The following SLC35F3 variants were observed in gnomAD, a reference collection of about 807,000 sequenced individuals.
SLC35F3 encodes solute carrier family 35 member F3, also known as putative thiamine transporter SLC35F3.
A neutral mutation model predicts 49.9 loss-of-function variants in SLC35F3; 25 were observed. The observed-to-expected ratio is 0.50, with a 90% CI of 0.37 to 0.70. The LOEUF (loss-of-function observed/expected upper bound fraction) is 0.70, where lower values mean the gene tolerates loss of function less well. SLC35F3 is among the 30% of genes least tolerant of loss of function. The probability of loss-of-function intolerance (pLI) is 0.00; values close to 1 mark genes in which losing one functional copy is unlikely to be tolerated. For missense variants in SLC35F3, 525 were observed against 639.8 expected, an observed-to-expected ratio of 0.82 and a Z score of 1.94; for synonymous variants, 275 against 265.4, an observed-to-expected ratio of 1.04 and a Z score of -0.35.
chr1:234,221,839 AAG>A (rs1346306498), intron 2 of SLC35F3, among the ~76,000 whole-genome samples: 13 of 152,204 alleles, frequency 8.5e-5, no homozygotes, highest in Admixed American at 8.5e-4. Context: ...GCTGCAAAGA[AAG>A]AGGATTATAA....
At chr1:234,121,211 A>G (rs1665567351) in intron 2 of SLC35F3, among the ~76,000 whole-genome samples, 2 of 136,966 alleles carry the variant, frequency 1.5e-5, no homozygotes, top group South Asian at 4.4e-4. Flanking sequence ...ATCTTGGCTC[A>G]CTGCAAGCTC....
chr1:233,910,374 G>A (rs1661855233), intron 2 of SLC35F3, among the ~76,000 whole-genome samples: 1 of 152,192 alleles, frequency 6.6e-6, no homozygotes, highest in African/African-American at 2.4e-5. Context: ...AATGATTGAA[G>A]GAACATATCT....
intron 2 of SLC35F3, among the ~76,000 whole-genome samples, chr1:233,940,263 A>T (rs985050081): frequency 2.6e-5 from 4 of 152,160 alleles, no homozygotes; most frequent in Non-Finnish European, 4.4e-5. Context: ...TCACAGAGGA[A>T]AAAAAGCAGC....
intron 2 of SLC35F3, among the ~76,000 whole-genome samples, chr1:234,209,707 C>T (rs975039591): frequency 3.3e-5 from 5 of 151,770 alleles, no homozygotes; most frequent in African/African-American, 1.2e-4. Flanking sequence ...ATAGAAACAG[C>T]ATGGAGTGCT....
At chr1:233,922,741 G>T (rs1386500927) in intron 2 of SLC35F3, among the ~76,000 whole-genome samples, 3 of 152,120 alleles carry the variant, frequency 2.0e-5, no homozygotes, top group African/African-American at 7.2e-5. Flanking sequence ...GTCATGAATG[G>T]TATTGCCTAG....
At chr1:234,201,819 G>C (rs1666903356) in intron 2 of SLC35F3, among the ~76,000 whole-genome samples, 2 of 150,794 alleles carry the variant, frequency 1.3e-5, no homozygotes. Flanking sequence ...AAAAGCAATG[G>C]TTTAAAGAAG....
rs78163478 is a variant in SLC35F3 at position 234,265,011 on chromosome 1, C to T, written c.608+33270C>T. ...GAACTCTGAACAGTCCAGGGCCCCA[C>T]GCTCAGTCCTTTGTCCTCTCCTCTG... On this transcript the variant is annotated intron_variant, in intron 3 of 7. Transcript: ENST00000366618. Among the ~76,000 whole-genome samples, 743 of 152,270 alleles carry T rather than the reference C, an allele frequency of 4.9e-3. 2 individuals are homozygous for T. Among genetic ancestry groups the T allele is most frequent in the African/African-American group, 0.017 (721 of 41,542 alleles).
intron 2 of SLC35F3, among the ~76,000 whole-genome samples, chr1:233,968,568 A>G (rs1238784654): frequency 1.3e-5 from 2 of 151,654 alleles, no homozygotes; most frequent in South Asian, 2.1e-4. Flanking sequence ...GCTCACTGCA[A>G]CCTCTGTCTC....
chr1:234,253,442 G>A (rs1035642032), intron 3 of SLC35F3, among the ~76,000 whole-genome samples: 1 of 108,510 alleles, frequency 9.2e-6, no homozygotes, highest in Non-Finnish European at 1.8e-5. Context: ...CAGTGAAAAA[G>A]CAACCATTTG....
At position 234,268,299 on chromosome 1, in the gene SLC35F3, A is replaced by AT. The variant is rs553939032; in HGVS notation, c.608+36558_608+36559insT. 1.0e-3 allele frequency among the ~76,000 whole-genome samples: 153 copies of AT among 152,164 alleles called. 1 individual carries two copies. Among genetic ancestry groups the AT allele is most frequent in the African/African-American group, 3.6e-3 (150 of 41,526 alleles). ...GAAACCCCGTCTCCACCAAAAAAAA[A>AT]CGAAAACCAGTCAGGCGTGGCGGCG... On this transcript the variant is annotated intron_variant, in intron 3 of 7. Coordinates refer to ENST00000366618, the MANE Select transcript of SLC35F3 (RefSeq NM_173508.4).
intron 2 of SLC35F3, among the ~76,000 whole-genome samples, chr1:234,017,662 C>G (rs12043038): frequency 7.1e-6 from 1 of 141,528 alleles, no homozygotes; most frequent in Non-Finnish European, 1.5e-5. Flanking sequence ...TGCAGTGAGC[C>G]GAGATCGCAC....
intron 3 of SLC35F3, among the ~76,000 whole-genome samples, chr1:234,291,418 A>C (rs1164654449): frequency 6.6e-6 from 1 of 152,130 alleles, no homozygotes; most frequent in Admixed American, 6.5e-5. Flanking sequence ...GAGCCAGAGG[A>C]GGAACAGTTC....
At chr1:234,073,864 T>C (rs1002527734) in intron 2 of SLC35F3, among the ~76,000 whole-genome samples, 2 of 152,162 alleles carry the variant, frequency 1.3e-5, no homozygotes, top group Non-Finnish European at 2.9e-5. Flanking sequence ...TTATTAAATG[T>C]GGTAAAATAT....
chr1:234,034,573 T>C (rs1664111835), intron 2 of SLC35F3, among the ~76,000 whole-genome samples: 1 of 152,184 alleles, frequency 6.6e-6, no homozygotes, highest in Admixed American at 6.5e-5. Flanking sequence ...TAGGCTGGAG[T>C]GCAGTGGCAT....
At chr1:234,300,702 C>T (rs770283706) in intron 3 of SLC35F3, among the ~76,000 whole-genome samples, 1 of 152,122 alleles carries the variant, frequency 6.6e-6, no homozygotes, top group Non-Finnish European at 1.5e-5. Flanking sequence ...CGAGCTGATA[C>T]CCAATTGATG....
intron 3 of SLC35F3, among the ~76,000 whole-genome samples, chr1:234,282,049 G>A (rs570842299): frequency 2.0e-5 from 3 of 152,194 alleles, no homozygotes; most frequent in South Asian, 4.1e-4. Flanking sequence ...TCACAGCCCT[G>A]TGGAGTGAGC....
At chr1:234,111,699 G>A (rs563679698) in intron 2 of SLC35F3, among the ~76,000 whole-genome samples, 1 of 152,356 alleles carries the variant, frequency 6.6e-6, no homozygotes. Context: ...TGACGATCCA[G>A]TCCCAAGCTG....
intron 2 of SLC35F3, among the ~76,000 whole-genome samples, chr1:234,143,288 CTTT>C (rs1352256091): frequency 2.4e-5 from 3 of 123,554 alleles, no homozygotes; most frequent in Admixed American, 9.1e-5. Context: ...CTTTTCTTTT[CTTT>C]TTTTTTTTTT....
intron 2 of SLC35F3, among the ~76,000 whole-genome samples, chr1:234,067,889 A>G (rs1664646297): frequency 6.6e-6 from 1 of 152,220 alleles, no homozygotes; most frequent in Admixed American, 6.5e-5. Context: ...AGGGTAATTC[A>G]TGCACAAGGC....
Sources: gnomAD v4.1 joint callset for allele counts (sites outside exome capture counted in the v4.1 genomes callset) on GRCh38, gnomAD v4.1.1 for gene constraint, MANE v1.5 for transcripts, NCBI Gene and HGNC (gene_info 2026-07-23, HGNC 2026-07-21) for gene names.